The following PPP1R12B variants were observed in gnomAD, a reference collection of about 807,000 sequenced individuals.
PPP1R12B encodes the protein myosin phosphatase target subunit 2.
PPP1R12B carries 76 observed loss-of-function variants against 126.1 expected under a neutral mutation model. That is an observed-to-expected ratio of 0.60 (90% CI 0.50 to 0.73). PPP1R12B has a LOEUF of 0.73. Among genes scored for constraint, PPP1R12B ranks in the 30% least tolerant of loss-of-function variants. The pLI is 0.00. For missense variants in PPP1R12B, 1,052 were observed against 1,205.1 expected (o/e 0.87, Z 1.88); for synonymous variants, 356 against 434.7 (o/e 0.82, Z 2.25).
intron 18 of PPP1R12B, among the ~76,000 whole-genome samples, chr1:202,528,238 C>T (rs1010738708): frequency 2.0e-5 from 3 of 152,200 alleles, no homozygotes; most frequent in African/African-American, 2.4e-5. Context: ...GTTATCACCA[C>T]GCAAATTGAC....
At chr1:202,435,109 C>G (rs1418665284) in intron 9 of PPP1R12B, among the ~76,000 whole-genome samples, 2 of 152,086 alleles carry the variant, frequency 1.3e-5, no homozygotes, top group Non-Finnish European at 2.9e-5. Flanking sequence ...AGGTAACCAG[C>G]CCTATCAGAT....
At chr1:202,490,031 T>A (rs1200173379) in intron 14 of PPP1R12B, among the ~76,000 whole-genome samples, 3 of 152,176 alleles carry the variant, frequency 2.0e-5, no homozygotes, top group African/African-American at 7.2e-5. Flanking sequence ...TGTATTGTAG[T>A]CCAAGTTGTA....
At chr1:202,431,719 G>C (rs1411636449) in intron 8 of PPP1R12B, 100 bp downstream of exon 8, 12 of 1,158,298 alleles carry the variant, frequency 1.0e-5, no homozygotes, top group South Asian at 5.5e-5. Context: ...ACTCCAAAAA[G>C]AGCTTGAAGT....
At chr1:202,446,245 TATA>T (rs1175072367) in intron 12 of PPP1R12B, among the ~76,000 whole-genome samples, 12 of 63,198 alleles carry the variant, frequency 1.9e-4, no homozygotes, top group African/African-American at 9.3e-4. Flanking sequence ...TCTATATATA[TATA>T]TATATATATT....
chr1:202,505,865 T>A (rs915974868), intron 18 of PPP1R12B, among the ~76,000 whole-genome samples: 15 of 152,044 alleles, frequency 9.9e-5, no homozygotes, highest in East Asian at 1.9e-4. Context: ...TTTTTTTTTT[T>A]AAAAGGGAAA....
chr1:202,435,810 G>C (rs1358872800), intron 9 of PPP1R12B, among the ~76,000 whole-genome samples: 1 of 152,162 alleles, frequency 6.6e-6, no homozygotes, highest in South Asian at 2.1e-4. Flanking sequence ...GAGAACAAAG[G>C]CCTGGCTACT....
Position 202,425,710 on chromosome 1 carries a change from A to G in PPP1R12B, c.686A>G (p.Tyr229Cys). 6.2e-7 allele frequency: 1 copy of G among 1,613,630 alleles called. No homozygotes were observed. Among genetic ancestry groups the G allele is most frequent in the Non-Finnish European group, 8.5e-7 (1 of 1,179,700 alleles). Residue 229 changes from tyrosine to cysteine, a missense_variant, in exon 4 of 24, where the codon TAC becomes TGC. Coordinates refer to ENST00000608999, the MANE Select transcript of PPP1R12B (RefSeq NM_002481.4). ...CTTCATGTGGCTGCTGCCAAGGGCTACTCTGAAGTCCTCAGGTATTGTCCA... is the reference window on the plus strand; with the variant it reads ...CTTCATGTGGCTGCTGCCAAGGGCTGCTCTGAAGTCCTCAGGTATTGTCCA... ...TALHVAAAKG[Y>C]SEVLRLLIQA...
intron 1 of PPP1R12B, among the ~76,000 whole-genome samples, chr1:202,353,498 C>A (rs1656410160): frequency 6.7e-6 from 1 of 149,738 alleles, no homozygotes; most frequent in South Asian, 2.1e-4. Flanking sequence ...GGAAATTCAG[C>A]TTTTTGTCTG....
intron 14 of PPP1R12B, 22 bp downstream of exon 14, chr1:202,488,645 A>T (rs1165853976): frequency 3.8e-6 from 6 of 1,567,402 alleles, no homozygotes; most frequent in Non-Finnish European, 5.2e-6. Context: ...TTTTTTTAAA[A>T]TGTCATTTTG....
intron 13 of PPP1R12B, among the ~76,000 whole-genome samples, chr1:202,474,758 A>T (rs1047724345): frequency 1.3e-5 from 2 of 152,184 alleles, no homozygotes; most frequent in African/African-American, 4.8e-5. Flanking sequence ...TTAAATAATT[A>T]AAATTAAATT....
rs762670487 is a variant in PPP1R12B at position 202,569,168 on chromosome 1, A to G, written c.2833A>G (p.Lys945Glu). 6.2e-7 allele frequency: 1 copy of G among 1,613,684 alleles called. No individual in the cohort carries two copies. Among genetic ancestry groups the G allele is most frequent in the Non-Finnish European group, 8.5e-7 (1 of 1,179,616 alleles). The change falls in exon 23 of 24, where the codon AAA becomes GAA. Residue 945 changes from lysine (K) to glutamate (E), a missense_variant. Coordinates refer to ENST00000608999, the MANE Select transcript of PPP1R12B (RefSeq NM_002481.4). Reference sequence around the variant, plus strand: ...ACAGGAGAGGCGAGCCTTGGAGCGCAAAATGTCAGAAATGGAGGAAGAAAT... The same window carrying G: ...ACAGGAGAGGCGAGCCTTGGAGCGCGAAATGTCAGAAATGGAGGAAGAAAT... ...EKRERRALER[K>E]MSEMEEEMKV...
At chr1:202,351,405 A>G (rs1249191086) in intron 1 of PPP1R12B, among the ~76,000 whole-genome samples, 2 of 151,962 alleles carry the variant, frequency 1.3e-5, no homozygotes, top group African/African-American at 2.4e-5. Context: ...TGCCCAGCTA[A>G]TTTTTGTATT....
chr1:202,532,489 A>G (rs1324840524), intron 18 of PPP1R12B, among the ~76,000 whole-genome samples: 8 of 152,134 alleles, frequency 5.3e-5, no homozygotes, highest in Non-Finnish European at 2.9e-5. Flanking sequence ...ACATACCAAT[A>G]CCTTAGTCTA....
intron 18 of PPP1R12B, among the ~76,000 whole-genome samples, chr1:202,519,164 A>G (rs1189916903): frequency 1.3e-5 from 2 of 152,202 alleles, no homozygotes; most frequent in Non-Finnish European, 2.9e-5. Context: ...AAATTAAACA[A>G]TTCACATAAA....
intron 13 of PPP1R12B, among the ~76,000 whole-genome samples, chr1:202,472,542 A>G (rs1319910090): frequency 6.6e-6 from 1 of 152,242 alleles, no homozygotes; most frequent in East Asian, 1.9e-4. Flanking sequence ...CTAACTGTAG[A>G]GTGACCTATG....
intron 18 of PPP1R12B, among the ~76,000 whole-genome samples, chr1:202,543,667 G>C (rs7531240): frequency 0.41 from 62,410 of 152,018 alleles, 14,774 homozygotes; most frequent in East Asian, 0.7. Flanking sequence ...AACCCGGAAG[G>C]CGGGGGTTGC....
chr1:202,475,003 T>TG (rs1676455318), intron 13 of PPP1R12B, among the ~76,000 whole-genome samples: 2 of 152,210 alleles, frequency 1.3e-5, no homozygotes, highest in Non-Finnish European at 2.9e-5. Flanking sequence ...GGATTCACCA[T>TG]GGTTTAAAGC....
At chr1:202,447,776 G>GTGTA (rs1348704190) in intron 12 of PPP1R12B, among the ~76,000 whole-genome samples, 7 of 152,184 alleles carry the variant, frequency 4.6e-5, no homozygotes, top group Admixed American at 1.3e-4. Context: ...GTTTGGTTAA[G>GTGTA]TGTAATTTTT....
intron 8 of PPP1R12B, among the ~76,000 whole-genome samples, chr1:202,432,653 T>C (rs1425481822): frequency 6.6e-6 from 1 of 152,182 alleles, no homozygotes; most frequent in Non-Finnish European, 1.5e-5. Flanking sequence ...CAACAAGCTA[T>C]AAAATAATCC....
Sources: allele counts gnomAD v4.1 joint callset (sites outside exome capture counted in the v4.1 genomes callset), GRCh38; gene constraint gnomAD v4.1.1; transcripts MANE v1.5; gene names NCBI Gene and HGNC (gene_info 2026-07-23, HGNC 2026-07-21).